MELK: variants seen among roughly 807,000 people sequenced by gnomAD.
MELK encodes pEg3 kinase.
Under a neutral mutation model 85.0 loss-of-function variants are expected in MELK, and 81 were observed. That is an observed-to-expected ratio of 0.95 (90% confidence interval 0.80 to 1.15). MELK has a LOEUF of 1.15. MELK is among the 50% of genes most tolerant of loss of function. MELK has a pLI of 0.00. For synonymous variants in MELK, 252 were observed against 265.0 expected (o/e 0.95, Z 0.48); for missense variants, 754 against 777.5 (o/e 0.97, Z 0.36).
intron 14 of MELK, among the ~76,000 whole-genome samples, chr9:36,667,988 C>T (rs935186571): frequency 3.3e-5 from 5 of 152,086 alleles, no homozygotes; most frequent in South Asian, 4.1e-4. Flanking sequence ...AGGCTGCTCT[C>T]GAAACTCTTG....
chr9:36,594,916 T>G (rs1281552009), intron 5 of MELK, 145 bp downstream of exon 5: 24 of 915,692 alleles, frequency 2.6e-5, no homozygotes, highest in Non-Finnish European at 3.6e-5. Flanking sequence ...ATTTCTTTTT[T>G]CCTCTTACTT....
chr9:36,596,912 C>T (rs1352805364), intron 5 of MELK, among the ~76,000 whole-genome samples: 4 of 152,136 alleles, frequency 2.6e-5, no homozygotes, highest in Non-Finnish European at 4.4e-5. Context: ...TACTTCTTGT[C>T]ATTTCGTTAG....
chr9:36,609,447 C>CTTT (rs58390406), intron 8 of MELK, among the ~76,000 whole-genome samples: 36 of 132,730 alleles, frequency 2.7e-4, no homozygotes, highest in African/African-American at 7.5e-4. Flanking sequence ...CTTTCTTCTT[C>CTTT]TTTTTTTTTT....
rs74181196 is a variant in MELK at position 36,621,275 on chromosome 9, GAAAAAAAAAAAAAAAAAAAAAAA to G, written c.667-9004_667-8982del. ...TGACAGAGTGAGACTCTGTCTCAGGGAAAAAAAAAAAAAAAAAAAAAAAAAAAAAAAAAAAAAAAAAACTTGAG... is the reference window on the plus strand; with the variant it reads ...TGACAGAGTGAGACTCTGTCTCAGGGAAAAAAAAAAAAAAAAAAACTTGAG... On this transcript the variant is annotated intron_variant, in intron 8 of 17. Transcript: ENST00000298048. Among the ~76,000 whole-genome samples the G allele has an allele frequency of 6.3e-3, 205 of 32,448 alleles. 1 individual carries two copies. The highest frequency in any genetic ancestry group is 0.011 in the East Asian group (9 of 820). 21.3% of individuals were successfully genotyped at this position (32,448 alleles called of 152,430 possible). A position where few individuals can be genotyped will look rare whatever the true frequency, so the allele number is the denominator to read the frequency against.
intron 8 of MELK, among the ~76,000 whole-genome samples, chr9:36,623,181 C>T (rs1365185284): frequency 2.0e-5 from 3 of 152,178 alleles, no homozygotes; most frequent in African/African-American, 7.2e-5. Flanking sequence ...CAGAATGTTT[C>T]CATACACTAC....
chr9:36,616,194 C>T (rs894614529), intron 8 of MELK, among the ~76,000 whole-genome samples: 8 of 152,056 alleles, frequency 5.3e-5, no homozygotes, highest in Non-Finnish European at 8.8e-5. Flanking sequence ...AAAATTGACC[C>T]TTTGTATATA....
chr9:36,611,102 T>C (rs572920977), intron 8 of MELK, among the ~76,000 whole-genome samples: 22 of 152,282 alleles, frequency 1.4e-4, no homozygotes, highest in African/African-American at 5.1e-4. Context: ...AAGCCTGAAA[T>C]CTGAAACACT....
intron 6 of MELK, 38 bp from the exon 7 acceptor site, chr9:36,599,356 G>T: frequency 8.1e-7 from 1 of 1,238,114 alleles, no homozygotes; most frequent in Non-Finnish European, 1.2e-6. Context: ...TCTCTTAAGC[G>T]TTGTAATTAA....
intron 7 of MELK, among the ~76,000 whole-genome samples, chr9:36,605,586 G>A (rs1825399348): frequency 6.6e-6 from 1 of 151,904 alleles, no homozygotes; most frequent in African/African-American, 2.4e-5. Context: ...TTGACATCTC[G>A]GAGGCGTAAA....
chr9:36,589,817 A>G (rs1823343397), intron 4 of MELK, among the ~76,000 whole-genome samples, 165 bp downstream of exon 4: 1 of 151,912 alleles, frequency 6.6e-6, no homozygotes, highest in Non-Finnish European at 1.5e-5. Context: ...TAAGTTGGAG[A>G]TTCAATGTAA....
At chr9:36,624,106 T>C (rs1397176539) in intron 8 of MELK, among the ~76,000 whole-genome samples, 1 of 147,198 alleles carries the variant, frequency 6.8e-6, no homozygotes, top group African/African-American at 2.6e-5. Flanking sequence ...TTTTTTGAGA[T>C]GGAGTCTCGC....
intron 7 of MELK, among the ~76,000 whole-genome samples, chr9:36,601,310 A>G (rs780484106): frequency 2.0e-5 from 3 of 152,078 alleles, no homozygotes; most frequent in Non-Finnish European, 4.4e-5. Context: ...GTCCCTTTTA[A>G]TCTGGAAGAC....
At chr9:36,663,682 C>T (rs1042096265) in intron 13 of MELK, among the ~76,000 whole-genome samples, 2 of 152,166 alleles carry the variant, frequency 1.3e-5, no homozygotes, top group Non-Finnish European at 2.9e-5. Flanking sequence ...CCACTTCCAT[C>T]CACCTTGTTG....
chr9:36,606,704 T>C (rs2135810660), intron 7 of MELK: 1 of 147,998 alleles, frequency 6.8e-6, no homozygotes, highest in African/African-American at 2.5e-5. Context: ...TGCATATATG[T>C]ATATATGGAC....
intron 8 of MELK, among the ~76,000 whole-genome samples, chr9:36,615,277 C>T (rs1464343972): frequency 8.1e-6 from 1 of 123,606 alleles, no homozygotes; most frequent in East Asian, 2.4e-4. Flanking sequence ...CCAGACGGCA[C>T]GGCTGGCCAG....
chr9:36,622,408 G>A (rs561619539), intron 8 of MELK, among the ~76,000 whole-genome samples: 9 of 152,114 alleles, frequency 5.9e-5, no homozygotes, highest in Non-Finnish European at 1.3e-4. Context: ...GAAAAACCCA[G>A]CAATATTTGA....
chr9:36,634,580 GCCTATAATC>G (rs1828936350), intron 10 of MELK, among the ~76,000 whole-genome samples: 3 of 152,052 alleles, frequency 2.0e-5, no homozygotes, highest in South Asian at 4.2e-4. Context: ...GCATGGTAGT[GCCTATAATC>G]CCAGGTTCTC....
chr9:36,633,720 T>C (rs981448702), intron 10 of MELK, among the ~76,000 whole-genome samples: 3 of 152,220 alleles, frequency 2.0e-5, no homozygotes, highest in African/African-American at 7.2e-5. Flanking sequence ...AAAATAAATT[T>C]AGCAAAAAGA....
intron 16 of MELK, among the ~76,000 whole-genome samples, chr9:36,671,557 A>G (rs2138125202): frequency 6.6e-6 from 1 of 152,308 alleles, no homozygotes; most frequent in East Asian, 1.9e-4. Flanking sequence ...GCATGGGAAG[A>G]TAATTGGAAC....
Sources: gnomAD v4.1 joint callset for allele counts (sites outside exome capture counted in the v4.1 genomes callset) on GRCh38, gnomAD v4.1.1 for gene constraint, MANE v1.5 for transcripts, NCBI Gene and HGNC (gene_info 2026-07-23, HGNC 2026-07-21) for gene names.